The following PCDH11X variants were observed in gnomAD, a reference collection of about 807,000 sequenced individuals.
PCDH11X encodes the protein protocadherin 11 X-linked.
Under a neutral mutation model 53.3 loss-of-function variants are expected in PCDH11X, and 18 were observed. That is an observed-to-expected ratio of 0.34 (90% CI 0.23 to 0.50). The LOEUF (loss-of-function observed/expected upper bound fraction) is 0.50. Ranked by LOEUF, PCDH11X falls within the 20% of genes least tolerant of loss-of-function variation. The pLI, the probability that PCDH11X is intolerant of heterozygous loss-of-function variation, is 0.98. For missense variants in PCDH11X, 570 were observed against 1,032.4 expected, an observed-to-expected ratio of 0.55 and a Z score of 6.14; for synonymous variants, 279 against 393.3, an observed-to-expected ratio of 0.71 and a Z score of 3.44.
At chrX:92,155,717 C>A (rs1336837080) in intron 6 of PCDH11X, among the ~76,000 whole-genome samples, 6 of 106,974 alleles carry the variant, frequency 5.6e-5, no homozygotes, top group African/African-American at 2.1e-4. Flanking sequence ...AGCTCCACCT[C>A]TCGGGTTCAC....
chrX:91,795,434 A>G (rs1935701196), intron 1 of PCDH11X, among the ~76,000 whole-genome samples: 1 of 110,693 alleles, frequency 9.0e-6, no homozygotes, highest in African/African-American at 3.3e-5. Flanking sequence ...AATCACATGT[A>G]TAATGATCAT....
rs772570951 is a variant in PCDH11X, at chrX:92,222,134, T to A, written c.3114+20679T>A. Reference sequence around the variant, plus strand: ...CAGGCGTGAGCCACCATGCCCAGCCTCTTCAATAGATTTTTTTTTTTAAAG... The same window carrying A: ...CAGGCGTGAGCCACCATGCCCAGCCACTTCAATAGATTTTTTTTTTTAAAG... On this transcript the variant is annotated intron_variant, in intron 7 of 10. Coordinates refer to ENST00000682573, the MANE Select transcript of PCDH11X (RefSeq NM_032968.5). Among the ~76,000 whole-genome samples, 3 of 70,368 alleles carry A rather than the reference T, an allele frequency of 4.3e-5. No homozygotes were observed. The South Asian group carries it at 2.2e-3, about 51-fold the overall frequency. 61.1% of individuals were successfully genotyped at this position (70,368 alleles called of 115,157 possible).
chrX:91,905,756 C>T (rs1171224255), intron 6 of PCDH11X, among the ~76,000 whole-genome samples: 1 of 110,862 alleles, frequency 9.0e-6, no homozygotes, highest in Non-Finnish European at 1.9e-5. Flanking sequence ...TATGAAATGA[C>T]ACATCAACTA....
chrX:92,418,401 A>G (rs2148611823), intron 9 of PCDH11X, among the ~76,000 whole-genome samples: 1 of 111,042 alleles, frequency 9.0e-6, no homozygotes, highest in African/African-American at 3.3e-5. Context: ...TTTTTTTCCT[A>G]GATAGCATTT....
intron 6 of PCDH11X, among the ~76,000 whole-genome samples, chrX:91,882,078 A>G (rs762789932): frequency 7.1e-4 from 78 of 109,700 alleles, no homozygotes; most frequent in African/African-American, 2.4e-3. Context: ...TGATCATTCT[A>G]TAGGTTGTTT....
chrX:92,060,488 C>T (rs1280870594), intron 6 of PCDH11X, among the ~76,000 whole-genome samples: 6 of 109,234 alleles, frequency 5.5e-5, no homozygotes, highest in Non-Finnish European at 1.1e-4. Flanking sequence ...TCTGCACACC[C>T]TCCACCCTGA....
intron 6 of PCDH11X, among the ~76,000 whole-genome samples, chrX:92,192,883 C>T (rs1257384827): frequency 1.8e-5 from 2 of 111,166 alleles, no homozygotes; most frequent in Non-Finnish European, 3.8e-5. Flanking sequence ...GGATTACAGG[C>T]ATGTGCCACC....
intron 10 of PCDH11X, among the ~76,000 whole-genome samples, chrX:92,553,809 C>A (rs2075002345): frequency 9.2e-6 from 1 of 109,281 alleles, no homozygotes; most frequent in African/African-American, 3.3e-5. Context: ...CCATCTTGCT[C>A]CCCCTCCTTT....
intron 10 of PCDH11X, among the ~76,000 whole-genome samples, chrX:92,520,647 C>T (rs1039812019): frequency 2.7e-5 from 3 of 109,269 alleles, no homozygotes; most frequent in African/African-American, 1.0e-4. Context: ...ACAGTGATGT[C>T]TGCTGCATCA....
At chrX:92,080,246 C>G (rs1009797360) in intron 6 of PCDH11X, among the ~76,000 whole-genome samples, 10 of 110,842 alleles carry the variant, frequency 9.0e-5, no homozygotes, top group African/African-American at 3.3e-4. Flanking sequence ...TCATCTTATC[C>G]CAGTGAGACT....
Position 91,989,922 on chromosome X carries a change from T to G in PCDH11X, c.3033+110649T>G, listed in dbSNP as rs192528955. ...CTCTGAAGAAATGAACATTAGATCT[T>G]TTGTTATAATCCTACACAAACTTCA... is the stretch of plus-strand genomic sequence containing the variant. On this transcript the variant is annotated intron_variant, in intron 6 of 10. Transcript: ENST00000682573. Among the ~76,000 whole-genome samples the G allele has an allele frequency of 6.2e-3, 688 of 111,165 alleles. 7 individuals are homozygous for G. The highest frequency in any genetic ancestry group is 0.022 in the African/African-American group (662 of 30,573).
At chrX:91,806,773 C>T (rs1472120409) in intron 1 of PCDH11X, among the ~76,000 whole-genome samples, 1 of 111,806 alleles carries the variant, frequency 8.9e-6, no homozygotes, top group Non-Finnish European at 1.9e-5. Flanking sequence ...GGGCTAGTGT[C>T]GATATTCCTT....
At chrX:92,056,657 A>C (rs1321634860) in intron 6 of PCDH11X, among the ~76,000 whole-genome samples, 2 of 109,924 alleles carry the variant, frequency 1.8e-5, no homozygotes, top group Non-Finnish European at 3.8e-5. Context: ...AGATTCTTAT[A>C]GTTTTGGACT....
In PCDH11X at chrX:92,049,461, C is replaced by A. The variant is rs768716041; in HGVS notation, c.3034-151914C>A. 4.6e-5 allele frequency among the ~76,000 whole-genome samples: 5 copies of A among 109,757 alleles called. No homozygotes were observed. In the South Asian group the frequency reaches 1.2e-3, roughly 26 times the overall value. The stretch of plus-strand genomic sequence containing the variant: ...AAATTTGGGCAAGATAAAAAAAAAA[C>A]CAGAGCTTAGTCCTCACAGTTTTAG... On this transcript the variant is annotated intron_variant, in intron 6 of 10. Transcript: ENST00000682573.
chrX:91,957,074 G>A (rs927304671), intron 6 of PCDH11X, among the ~76,000 whole-genome samples: 1 of 110,175 alleles, frequency 9.1e-6, no homozygotes, highest in Non-Finnish European at 1.9e-5. Context: ...TTTGCATTGC[G>A]AAGTTCTTGT....
At chrX:92,607,043 G>A (rs1021282764) in intron 10 of PCDH11X, among the ~76,000 whole-genome samples, 2 of 111,613 alleles carry the variant, frequency 1.8e-5, no homozygotes, top group African/African-American at 6.5e-5. Context: ...AGTGCGTAAA[G>A]AAATGGGAAC....
At chrX:91,999,533 A>G (rs766492278) in intron 6 of PCDH11X, among the ~76,000 whole-genome samples, 1 of 111,658 alleles carries the variant, frequency 9.0e-6, no homozygotes, top group Admixed American at 9.6e-5. Context: ...GTTACTAAAA[A>G]TGTTACATAA....
At chrX:92,406,662 G>A (rs1339509345) in intron 9 of PCDH11X, among the ~76,000 whole-genome samples, 1 of 97,565 alleles carries the variant, frequency 1.0e-5, no homozygotes. Context: ...AGTGGCTCAC[G>A]CCTGTAATCC....
At chrX:92,475,345 G>T (rs1420516296) in intron 10 of PCDH11X, among the ~76,000 whole-genome samples, 2 of 110,552 alleles carry the variant, frequency 1.8e-5, no homozygotes, top group Non-Finnish European at 3.8e-5. Flanking sequence ...AGTATTTCCT[G>T]AAGGACAGGT....
Sources: gnomAD v4.1 joint callset for allele counts (sites outside exome capture counted in the v4.1 genomes callset) on GRCh38, gnomAD v4.1.1 for gene constraint, MANE v1.5 for transcripts, NCBI Gene and HGNC (gene_info 2026-07-23, HGNC 2026-07-21) for gene names.